The following COX10 variants were observed in gnomAD, a reference collection of about 807,000 sequenced individuals.
COX10 encodes protoheme IX farnesyltransferase, mitochondrial.
In COX10, 27 loss-of-function variants were observed where a neutral mutation model predicts 37.3. That is an observed-to-expected ratio of 0.72 (90% CI 0.53 to 1.00). COX10 has a LOEUF of 1.00. Among genes scored for constraint, COX10 ranks in the 50% least tolerant of loss-of-function variants. The pLI is 0.00. For missense variants in COX10, 475 were observed against 563.2 expected, an observed-to-expected ratio of 0.84 and a Z score of 1.59; for synonymous variants, 222 against 229.1, an observed-to-expected ratio of 0.97 and a Z score of 0.28.
chr17:14,137,762 G>T (rs1423645217), intron 4 of COX10, among the ~76,000 whole-genome samples: 1 of 151,882 alleles, frequency 6.6e-6, no homozygotes, highest in East Asian at 1.9e-4. Context: ...TAGTATTAAG[G>T]TAGACTAGAA....
intron 5 of COX10, among the ~76,000 whole-genome samples, chr17:14,175,083 CGG>C (rs551562401): frequency 0.3 from 4,904 of 16,204 alleles, 1,041 homozygotes; most frequent in African/African-American, 0.37. Context: ...TGGGAAATAG[CGG>C]GGGGGGGGGG....
intron 4 of COX10, among the ~76,000 whole-genome samples, chr17:14,127,918 A>C (rs891662231): frequency 8.7e-6 from 1 of 115,454 alleles, no homozygotes; most frequent in Non-Finnish European, 1.8e-5. Context: ...AATCTTTAAG[A>C]GTGTGTGTAT....
At chr17:14,131,923 A>C (rs2094697442) in intron 4 of COX10, among the ~76,000 whole-genome samples, 1 of 151,948 alleles carries the variant, frequency 6.6e-6, no homozygotes, top group Non-Finnish European at 1.5e-5. Context: ...TGGGAAATTA[A>C]ATTATAAAGT....
intron 1 of COX10, 42 bp downstream of exon 1, chr17:14,069,690 C>A (rs778580082): frequency 1.2e-6 from 2 of 1,612,638 alleles, no homozygotes; most frequent in Admixed American, 3.3e-5. Context: ...GGAAATTCTT[C>A]TCTTATTACC....
At chr17:14,173,008 C>G (rs1015043690) in intron 5 of COX10, among the ~76,000 whole-genome samples, 10 of 152,116 alleles carry the variant, frequency 6.6e-5, no homozygotes, top group African/African-American at 1.4e-4. Context: ...CAAAAAATGT[C>G]ATGTCATTTG....
At position 14,102,100 on chromosome 17, in the gene COX10, T is replaced by C. The variant is rs760087868; in HGVS notation, c.500-18T>C. On this transcript the variant is annotated intron_variant, in intron 3 of 6. Coordinates refer to ENST00000261643, the MANE Select transcript of COX10 (RefSeq NM_001303.4). Reference sequence around the variant, plus strand: ...CTCCTGTTGGTAACAGTGTGTCTGCTCTGTTTCTGTATCGCAGCTCTGGTT... The same window carrying C: ...CTCCTGTTGGTAACAGTGTGTCTGCCCTGTTTCTGTATCGCAGCTCTGGTT... 8.7e-6 allele frequency: 14 copies of C among 1,613,330 alleles called. No homozygotes were observed. Among genetic ancestry groups the C allele is most frequent in the Non-Finnish European group, 7.6e-6 (9 of 1,179,564 alleles).
chr17:14,107,980 A>T (rs892217639), intron 4 of COX10, among the ~76,000 whole-genome samples: 3 of 152,136 alleles, frequency 2.0e-5, no homozygotes, highest in Admixed American at 2.0e-4. Context: ...TTTTTCTTTC[A>T]TATGATAATA....
At chr17:14,117,186 A>T (rs1916133030) in intron 4 of COX10, among the ~76,000 whole-genome samples, 1 of 152,206 alleles carries the variant, frequency 6.6e-6, no homozygotes, top group African/African-American at 2.4e-5. Context: ...CGTTAAAAAC[A>T]TTAACCCTTT....
At chr17:14,177,295 T>C (rs1905723168) in intron 5 of COX10, 1 of 705,674 alleles carries the variant, frequency 1.4e-6, no homozygotes, top group Non-Finnish European at 2.6e-6. Context: ...TTAGTTCTAG[T>C]CTGGGAGCAG....
chr17:14,183,437 A>AAAT (rs1301546746), intron 5 of COX10, among the ~76,000 whole-genome samples: 1 of 152,172 alleles, frequency 6.6e-6, no homozygotes, highest in African/African-American at 2.4e-5. Flanking sequence ...ACTCTATTTC[A>AAAT]GATTGTTCTT....
chr17:14,072,959 C>G (rs1440386720), intron 1 of COX10, among the ~76,000 whole-genome samples: 2 of 152,080 alleles, frequency 1.3e-5, no homozygotes, highest in African/African-American at 4.8e-5. Flanking sequence ...TGCAACATGG[C>G]ATAAAGTGAT....
At chr17:14,175,780 A>G (rs1421177461) in intron 5 of COX10, among the ~76,000 whole-genome samples, 2 of 151,364 alleles carry the variant, frequency 1.3e-5, no homozygotes, top group Non-Finnish European at 2.9e-5. Context: ...CAGAGCGGGA[A>G]GGCACTGGGA....
chr17:14,127,301 C>T (rs147276973), intron 4 of COX10, among the ~76,000 whole-genome samples: 1 of 152,124 alleles, frequency 6.6e-6, no homozygotes, highest in East Asian at 1.9e-4. Context: ...GGTGTGCTAC[C>T]AGTAAATAAA....
chr17:14,168,362 T>G (rs926626032), intron 5 of COX10, among the ~76,000 whole-genome samples: 1 of 152,216 alleles, frequency 6.6e-6, no homozygotes, highest in African/African-American at 2.4e-5. Flanking sequence ...CTCTGGCTTT[T>G]CCAGGCACAT....
chr17:14,133,627 A>G (rs1206419649), intron 4 of COX10, among the ~76,000 whole-genome samples: 1 of 151,656 alleles, frequency 6.6e-6, no homozygotes, highest in East Asian at 1.9e-4. Context: ...AATGCCTGCC[A>G]TCACTACCAA....
intron 4 of COX10, among the ~76,000 whole-genome samples, chr17:14,151,698 G>T (rs1333441433): frequency 2.0e-5 from 3 of 152,076 alleles, no homozygotes; most frequent in Admixed American, 6.6e-5. Flanking sequence ...TTCAATTAAA[G>T]TACATATATC....
In COX10 at chr17:14,074,434, A is replaced by C. The variant is rs749733605; in HGVS notation, c.155A>C (p.His52Pro). The change falls in exon 2 of 7, where the codon CAC becomes CCC. Residue 52 changes from histidine (H) to proline (P), a missense_variant. Physicochemically the swap from His to Pro is moderately conservative, Grantham distance 77 (BLOSUM62 -2). Coordinates refer to ENST00000261643, the MANE Select transcript of COX10 (RefSeq NM_001303.4). ...NVNKQWITFQ[H>P]FSFLKRMYVT... ...AATAAGCAGTGGATTACATTTCAGC[A>C]CTTTAGCTTCCTCAAACGCATGGTA... 5 of 1,613,932 alleles carry C rather than the reference A, an allele frequency of 3.1e-6. No individual in the cohort carries two copies. Among genetic ancestry groups the C allele is most frequent in the Non-Finnish European group, 4.2e-6 (5 of 1,179,824 alleles).
intron 4 of COX10, among the ~76,000 whole-genome samples, chr17:14,156,240 T>G (rs931292342): frequency 1.3e-5 from 2 of 152,162 alleles, no homozygotes; most frequent in Non-Finnish European, 2.9e-5. Flanking sequence ...CTGAATTTTT[T>G]TTTTGAGACG....
At chr17:14,197,428 A>C (rs1461765521) in intron 6 of COX10, among the ~76,000 whole-genome samples, 1 of 152,024 alleles carries the variant, frequency 6.6e-6, no homozygotes, top group Non-Finnish European at 1.5e-5. Context: ...TGGGATTCTG[A>C]TTTTTTTTCC....
Sources: allele counts gnomAD v4.1 joint callset (sites outside exome capture counted in the v4.1 genomes callset), GRCh38; gene constraint gnomAD v4.1.1; transcripts MANE v1.5; gene names NCBI Gene and HGNC (gene_info 2026-07-23, HGNC 2026-07-21).